Variants in RIMBP2 observed in about 807,000 individuals in gnomAD.
RIMBP2 encodes the protein RIMS binding protein 2.
RIMBP2 carries 48 observed loss-of-function variants against 118.6 expected under a neutral mutation model. The observed-to-expected ratio is 0.40, with a 90% CI of 0.32 to 0.51. RIMBP2 has a LOEUF of 0.51. Among genes scored for constraint, RIMBP2 ranks in the 20% least tolerant of loss-of-function variants. The probability of loss-of-function intolerance (pLI) is 0.41; values close to 1 mark genes in which losing one functional copy is unlikely to be tolerated. For synonymous variants in RIMBP2, 762 were observed against 742.9 expected, an observed-to-expected ratio of 1.03 and a Z score of -0.42; for missense variants, 1,551 against 1,768.3, an observed-to-expected ratio of 0.88 and a Z score of 2.20.
At chr12:130,439,446 T>G in intron 11 of RIMBP2, among the ~76,000 whole-genome samples, 1 of 124,298 alleles carries the variant, frequency 8.0e-6, no homozygotes, top group South Asian at 3.0e-4. Context: ...GGTGTGTGGG[T>G]GTGGGTGTGT....
In RIMBP2 at chr12:130,657,630, G is replaced by A. The variant is rs190898278; in HGVS notation, c.-351-29174C>T. 3.3e-3 allele frequency among the ~76,000 whole-genome samples: 494 copies of A among 151,906 alleles called. 1 individual carries two copies. The highest frequency in any genetic ancestry group is 5.8e-3 in the Non-Finnish European group (396 of 67,932). On this transcript the variant is annotated intron_variant, in intron 1 of 22. Transcript: ENST00000690449. ...AGTGACCCGCAGAAGGGCTGTGCGG[G>A]GGCAGTGAGGGCAGAGGATGGAGCC...
chr12:130,424,201 C>A lies in RIMBP2; in HGVS notation c.3070G>T (p.Asp1024Tyr). 1 of 1,231,956 alleles carries A rather than the reference C, an allele frequency of 8.1e-7. No homozygotes were observed. Among genetic ancestry groups the A allele is most frequent in the Non-Finnish European group, 1.0e-6 (1 of 987,976 alleles). The allele number at this position is 1,231,956 out of a possible 1,614,324, so 76.3% of individuals were successfully genotyped here. Residue 1024 changes from aspartate (D) to tyrosine (Y), a missense_variant, in exon 16 of 23, where the codon GAC (aspartate) becomes TAC (tyrosine). Coordinates refer to ENST00000690449, the MANE Select transcript of RIMBP2 (RefSeq NM_001393629.1). The surrounding 1 kb of genome is among the most constrained non-coding windows in gnomAD (Gnocchi z 9.8). The part of the protein sequence containing the change: ...GVWKKSITMP[D>Y]SRAAAPHAKP... Reference sequence around the variant, plus strand: ...GCGTGGGGGGCAGCTGCCCTACTGTCGGGCATGGTTATGCTTTTCTTCCAG... The same window carrying A: ...GCGTGGGGGGCAGCTGCCCTACTGTAGGGCATGGTTATGCTTTTCTTCCAG...
At chr12:130,697,573 T>C (rs928280499) in intron 1 of RIMBP2, among the ~76,000 whole-genome samples, 9 of 152,140 alleles carry the variant, frequency 5.9e-5, no homozygotes, top group African/African-American at 2.2e-4. Context: ...TGGCAACTGA[T>C]TGGAGATAGA....
intron 1 of RIMBP2, chr12:130,669,382 A>G (rs796125042): frequency 2.6e-5 from 4 of 152,232 alleles, no homozygotes; most frequent in African/African-American, 9.6e-5. Flanking sequence ...CTCCACCCAA[A>G]TCTCATCTTG....
At chr12:130,514,333 C>T (rs1219805415) in intron 3 of RIMBP2, among the ~76,000 whole-genome samples, 5 of 152,220 alleles carry the variant, frequency 3.3e-5, no homozygotes, top group Non-Finnish European at 7.3e-5. Context: ...GAAATTCAAA[C>T]CTCAAGCAAA....
chr12:130,411,221 T>C (rs1256766092), intron 19 of RIMBP2, among the ~76,000 whole-genome samples: 2 of 152,214 alleles, frequency 1.3e-5, no homozygotes, highest in African/African-American at 4.8e-5. Flanking sequence ...CTACACTCCA[T>C]TTGTTAGTTC....
chr12:130,466,050 C>T (rs1359052881), intron 6 of RIMBP2: 1 of 152,228 alleles, frequency 6.6e-6, no homozygotes, highest in East Asian at 1.9e-4. Flanking sequence ...CTCCCTGTGT[C>T]TTGGTTTCCC....
intron 1 of RIMBP2, among the ~76,000 whole-genome samples, chr12:130,694,853 C>A (rs927573850): frequency 6.6e-6 from 1 of 152,172 alleles, no homozygotes; most frequent in Non-Finnish European, 1.5e-5. Context: ...ATGTTCTTAG[C>A]CCTTGTTCTT....
chr12:130,532,651 A>G (rs4759718), intron 2 of RIMBP2, among the ~76,000 whole-genome samples: 77,636 of 94,128 alleles, frequency 0.82, 31,781 homozygotes, highest in East Asian at 0.96. Context: ...AATGAGATGC[A>G]TGTGTTCAGC....
chr12:130,631,008 AC>A (rs1278161528), intron 1 of RIMBP2, among the ~76,000 whole-genome samples: 1 of 152,212 alleles, frequency 6.6e-6, no homozygotes, highest in African/African-American at 2.4e-5. Flanking sequence ...AACAAATCCT[AC>A]CCTAAACAGG....
intron 4 of RIMBP2, among the ~76,000 whole-genome samples, chr12:130,483,546 A>G (rs373271901): frequency 6.6e-6 from 1 of 152,150 alleles, no homozygotes; most frequent in East Asian, 1.9e-4. Flanking sequence ...GAAGCCCCCC[A>G]CCAAGATGGT....
chr12:130,452,588 C>T (rs1325268693), intron 7 of RIMBP2, among the ~76,000 whole-genome samples: 2 of 152,290 alleles, frequency 1.3e-5, no homozygotes, highest in African/African-American at 2.4e-5. Flanking sequence ...ACTGGCATTG[C>T]TGCCTCTTCT....
intron 2 of RIMBP2, among the ~76,000 whole-genome samples, chr12:130,546,097 C>CTTT (rs56407634): frequency 0.041 from 4,241 of 103,214 alleles, 33 homozygotes; most frequent in Non-Finnish European, 0.052. Context: ...ATCACTGCTT[C>CTTT]TTTTTTTTTT....
At chr12:130,590,108 C>G (rs537728269) in intron 2 of RIMBP2, among the ~76,000 whole-genome samples, 1 of 152,092 alleles carries the variant, frequency 6.6e-6, no homozygotes, top group Non-Finnish European at 1.5e-5. Flanking sequence ...TTCCTGCAGA[C>G]GCTTCTACAC....
rs527962178 is a variant in RIMBP2, at chr12:130,603,582, G to T, written c.-217+24740C>A. On this transcript the variant is annotated intron_variant, in intron 2 of 22. Transcript: ENST00000690449. ...TGTTTTTATGGAGACTGACAGATGG[G>T]TAAGTACAGGCATAAGATACACTTG... 7.9e-5 allele frequency among the ~76,000 whole-genome samples: 12 copies of T among 152,332 alleles called. No homozygotes were observed. The South Asian group carries it at 2.1e-3, about 26-fold the overall frequency.
intron 4 of RIMBP2, among the ~76,000 whole-genome samples, chr12:130,499,393 A>T (rs2049515812): frequency 6.6e-6 from 1 of 152,200 alleles, no homozygotes; most frequent in Non-Finnish European, 1.5e-5. Context: ...AGAGTTGCAG[A>T]TATAATTCCT....
At chr12:130,444,475 A>G (rs1174251503) in intron 10 of RIMBP2, among the ~76,000 whole-genome samples, 4 of 152,244 alleles carry the variant, frequency 2.6e-5, no homozygotes, top group Non-Finnish European at 5.9e-5. Flanking sequence ...AGAGGAAGAA[A>G]CCAAGACCAC....
intron 2 of RIMBP2, among the ~76,000 whole-genome samples, chr12:130,602,945 A>G (rs567978064): frequency 6.6e-6 from 1 of 152,340 alleles, no homozygotes; most frequent in East Asian, 1.9e-4. Flanking sequence ...GGAGAAGAAC[A>G]TATTTCTCAT....
At position 130,613,831 on chromosome 12, in the gene RIMBP2, A is replaced by AC. The variant is rs950395235; in HGVS notation, c.-217+14490_-217+14491insG. ...TCTGTCTCAAAAAAAAAAAAAAAAA[A>AC]AACTCAGTCTCATTAAGAGACAGCT... On this transcript the variant is annotated intron_variant, in intron 2 of 22. Coordinates refer to ENST00000690449, the MANE Select transcript of RIMBP2 (RefSeq NM_001393629.1). Among the ~76,000 whole-genome samples the AC allele has an allele frequency of 3.2e-3, 491 of 151,448 alleles. 4 individuals carry two copies. Among genetic ancestry groups the AC allele is most frequent in the African/African-American group, 0.011 (468 of 41,176 alleles).
Sources: gnomAD v4.1 joint callset for allele counts (sites outside exome capture counted in the v4.1 genomes callset) on GRCh38, gnomAD v4.1.1 for gene constraint, Gnocchi (gnomAD v3.1) non-coding constraint, MANE v1.5 for transcripts, NCBI Gene and HGNC (gene_info 2026-07-23, HGNC 2026-07-21) for gene names.